The following VAT1L variants were observed in gnomAD, a reference collection of about 807,000 sequenced individuals.
The protein encoded by VAT1L is vesicle amine transport 1 like.
Under a neutral mutation model 44.1 loss-of-function variants are expected in VAT1L, and 34 were observed. The observed-to-expected ratio is 0.77, with a 90% CI of 0.59 to 1.03. VAT1L has a LOEUF of 1.03. VAT1L is among the 50% of genes least tolerant of loss of function. VAT1L has a pLI of 0.00. For missense variants in VAT1L, 615 were observed against 538.8 expected, an observed-to-expected ratio of 1.14 and a Z score of -1.40; for synonymous variants, 253 against 202.2, an observed-to-expected ratio of 1.25 and a Z score of -2.13.
intron 3 of VAT1L, among the ~76,000 whole-genome samples, chr16:77,837,047 T>A (rs962906808): frequency 1.4e-5 from 2 of 140,302 alleles, no homozygotes; most frequent in Non-Finnish European, 3.2e-5. Flanking sequence ...GAGGAAGAGC[T>A]GGCATGTGCA....
intron 3 of VAT1L, among the ~76,000 whole-genome samples, chr16:77,860,742 A>G (rs2016906994): frequency 6.6e-6 from 1 of 152,230 alleles, no homozygotes; most frequent in South Asian, 2.1e-4. Flanking sequence ...TCTAGAAGGC[A>G]GGAGAATTAA....
chr16:77,860,168 G>C (rs536961329), intron 3 of VAT1L, among the ~76,000 whole-genome samples: 1 of 152,320 alleles, frequency 6.6e-6, no homozygotes, highest in African/African-American at 2.4e-5. Flanking sequence ...CCAACACCTT[G>C]ATTTTAGACT....
intron 7 of VAT1L, among the ~76,000 whole-genome samples, chr16:77,889,626 A>G (rs542397010): frequency 6.6e-6 from 1 of 152,364 alleles, no homozygotes; most frequent in African/African-American, 2.4e-5. Context: ...TTTAGAATAT[A>G]AAATCTACAG....
intron 7 of VAT1L, among the ~76,000 whole-genome samples, chr16:77,954,325 T>C (rs1165821558): frequency 6.6e-6 from 1 of 152,058 alleles, no homozygotes; most frequent in East Asian, 1.9e-4. Flanking sequence ...TCTATCCAGA[T>C]AGCAAAAAGT....
chr16:77,935,357 T>G (rs1438601630), intron 7 of VAT1L, among the ~76,000 whole-genome samples: 1 of 152,092 alleles, frequency 6.6e-6, no homozygotes, highest in Non-Finnish European at 1.5e-5. Context: ...GTAAGAGAAC[T>G]CATATTGTAG....
chr16:77,926,409 C>A (rs1031917294), intron 7 of VAT1L, among the ~76,000 whole-genome samples: 1 of 151,896 alleles, frequency 6.6e-6, no homozygotes, highest in African/African-American at 2.4e-5. Flanking sequence ...CATGGTGAAA[C>A]CCCATCTTTA....
At chr16:77,844,152 C>A (rs1385729843) in intron 3 of VAT1L, among the ~76,000 whole-genome samples, 6 of 152,118 alleles carry the variant, frequency 3.9e-5, no homozygotes. Flanking sequence ...ATATAGCCAG[C>A]CCTTATATTA....
intron 2 of VAT1L, 51 bp downstream of exon 2, chr16:77,817,101 G>A (rs1462187638): frequency 6.3e-7 from 1 of 1,583,644 alleles, no homozygotes. Context: ...AATCCATTGA[G>A]ACAACAAAAG....
chr16:77,840,405 G>A (rs973373597), intron 3 of VAT1L, among the ~76,000 whole-genome samples: 1 of 152,024 alleles, frequency 6.6e-6, no homozygotes, highest in Non-Finnish European at 1.5e-5. Context: ...CTGGTGGAAG[G>A]GCTGACCTCT....
intron 6 of VAT1L, among the ~76,000 whole-genome samples, chr16:77,880,955 T>C (rs1036810771): frequency 6.6e-6 from 1 of 152,196 alleles, no homozygotes; most frequent in Non-Finnish European, 1.5e-5. Context: ...TGCATAGTAT[T>C]CCATGGTGTA....
In VAT1L at chr16:77,978,785, C is replaced by T. The variant is rs367834862; in HGVS notation, c.*1090C>T. On this transcript the variant is annotated 3_prime_UTR_variant, in exon 9 of 9. Transcript: ENST00000302536. ...GTAGAATCTGCAGCGCCCTGCTCTTCGGAAACCAAGGAACAAGCCACCTGC... is the reference window on the plus strand; with the variant it reads ...GTAGAATCTGCAGCGCCCTGCTCTTTGGAAACCAAGGAACAAGCCACCTGC... The T allele has an allele frequency of 6.6e-6, 1 of 152,150 alleles. No homozygotes were observed. The highest frequency in any genetic ancestry group is 1.5e-5 in the Non-Finnish European group (1 of 68,052). 9.4% of individuals were successfully genotyped at this position (152,150 alleles called of 1,614,324 possible). A position where few individuals can be genotyped will look rare whatever the true frequency, so the allele number is the denominator to read the frequency against.
intron 3 of VAT1L, among the ~76,000 whole-genome samples, chr16:77,859,979 T>G (rs2016899321): frequency 6.6e-6 from 1 of 152,270 alleles, no homozygotes; most frequent in East Asian, 1.9e-4. Flanking sequence ...TTGAGGTCAC[T>G]GGAGTGGGCC....
At chr16:77,874,860 A>AG in intron 4 of VAT1L, among the ~76,000 whole-genome samples, 1 of 151,114 alleles carries the variant, frequency 6.6e-6, no homozygotes, top group East Asian at 1.9e-4. Context: ...AAAAAAAAAA[A>AG]AAAGCCAGTC....
chr16:77,816,952 C>G lies in VAT1L; in HGVS notation c.265C>G (p.Gln89Glu), dbSNP rs2016366305. The G allele has an allele frequency of 6.2e-7, 1 of 1,613,842 alleles. No individual in the cohort carries two copies. Among genetic ancestry groups the G allele is most frequent in the Non-Finnish European group, 8.5e-7 (1 of 1,179,876 alleles). ...GLNFIDLMVR[Q>E]GNIDNPPKTP... The stretch of plus-strand genomic sequence containing the variant: ...AAACTTCATTGACTTGATGGTGCGA[C>G]AAGGGAATATTGACAACCCTCCCAA... The change falls in exon 2 of 9, where the codon CAA becomes GAA. Residue 89 changes from glutamine (Q) to glutamate (E), a missense_variant. Transcript: ENST00000302536.
intron 7 of VAT1L, among the ~76,000 whole-genome samples, chr16:77,892,155 G>A (rs1440994760): frequency 1.3e-5 from 2 of 152,188 alleles, no homozygotes; most frequent in Admixed American, 1.3e-4. Flanking sequence ...GTGATTGTCA[G>A]TTCTGAAGAA....
chr16:77,809,227 T>C (rs2016220890), intron 1 of VAT1L, among the ~76,000 whole-genome samples: 1 of 152,246 alleles, frequency 6.6e-6, no homozygotes, highest in Non-Finnish European at 1.5e-5. Context: ...TAGCATTGTT[T>C]ATGGTTGTTG....
rs558911628 is a variant in VAT1L at position 77,835,654 on chromosome 16, C to T, written c.579+10193C>T. 1.4e-4 allele frequency among the ~76,000 whole-genome samples: 21 copies of T among 152,230 alleles called. No individual in the cohort carries two copies. In the South Asian group the frequency reaches 4.2e-3, roughly 30 times the overall value. ...TTAGGAGGCCAAAGCAGGTGGATCA[C>T]CTGAGGTCAGGAGTTCAAAACCAGC... On this transcript the variant is annotated intron_variant, in intron 3 of 8. Transcript: ENST00000302536.
At chr16:77,910,616 T>G (rs920309887) in intron 7 of VAT1L, among the ~76,000 whole-genome samples, 4 of 144,170 alleles carry the variant, frequency 2.8e-5, no homozygotes, top group Middle Eastern at 3.6e-3. Flanking sequence ...GGAGCTTGCA[T>G]TGAGCCGAGA....
intron 7 of VAT1L, among the ~76,000 whole-genome samples, chr16:77,905,734 C>T (rs1260057998): frequency 1.3e-5 from 2 of 152,148 alleles, no homozygotes; most frequent in Non-Finnish European, 2.9e-5. Flanking sequence ...CTCACTGTCT[C>T]TGACTTTCAT....
Sources: allele counts gnomAD v4.1 joint callset (sites outside exome capture counted in the v4.1 genomes callset), GRCh38; gene constraint gnomAD v4.1.1; transcripts MANE v1.5; gene names NCBI Gene and HGNC (gene_info 2026-07-23, HGNC 2026-07-21).